The following PRRX1 variants were observed in gnomAD, a reference collection of about 807,000 sequenced individuals.
The protein encoded by PRRX1 is paired related homeobox 1.
PRRX1 carries 8 observed loss-of-function variants against 24.0 expected under a neutral mutation model. The observed-to-expected ratio is 0.33, with a 90% CI of 0.20 to 0.60. PRRX1 has a LOEUF of 0.60. Ranked by LOEUF, PRRX1 falls within the 20% of genes least tolerant of loss-of-function variation. The pLI is 0.82. For synonymous variants in PRRX1, 160 were observed against 131.7 expected, an observed-to-expected ratio of 1.22 and a Z score of -1.47; for missense variants, 281 against 322.4, an observed-to-expected ratio of 0.87 and a Z score of 0.98.
intron 1 of PRRX1, among the ~76,000 whole-genome samples, chr1:170,704,977 G>A (rs954481298): frequency 2.6e-5 from 4 of 152,094 alleles, no homozygotes; most frequent in African/African-American, 9.7e-5. Flanking sequence ...AGTGGCTTTG[G>A]TCTGAACTTT....
rs1264620286 is a variant in PRRX1, at chr1:170,737,178, A to G, written c.*992A>G. On this transcript the variant is annotated 3_prime_UTR_variant, in exon 4 of 4. Transcript: ENST00000239461. ...ATTTATATATATATTTCATATATAT[A>G]TATAATATTGCAAGCTTAAGTTTGC... 1 of 163,566 alleles carries G rather than the reference A, an allele frequency of 6.1e-6. No homozygotes were observed. The highest frequency in any genetic ancestry group is 2.4e-5 in the African/African-American group (1 of 41,296). The allele number at this position is 163,566 out of a possible 1,614,324, so 10.1% of individuals were successfully genotyped here.
intron 1 of PRRX1, among the ~76,000 whole-genome samples, chr1:170,706,358 T>C (rs1404611029): frequency 6.6e-6 from 1 of 152,190 alleles, no homozygotes; most frequent in African/African-American, 2.4e-5. Flanking sequence ...CACAGATGTA[T>C]CTATTGGTCA....
intron 2 of PRRX1, among the ~76,000 whole-genome samples, chr1:170,722,974 G>C (rs1165977231): frequency 6.6e-6 from 1 of 152,208 alleles, no homozygotes; most frequent in Non-Finnish European, 1.5e-5. Context: ...CAGTGTATGA[G>C]GTTAGAGTGA....
intron 1 of PRRX1, among the ~76,000 whole-genome samples, chr1:170,681,286 A>G (rs554026471): frequency 1.1e-4 from 17 of 152,262 alleles, no homozygotes; most frequent in Admixed American, 9.2e-4. Flanking sequence ...TTATTGACAA[A>G]CCAGAACTTG....
chr1:170,675,814 A>C (rs3021341), intron 1 of PRRX1, among the ~76,000 whole-genome samples: 3,448 of 152,330 alleles, frequency 0.023, 140 homozygotes, highest in African/African-American at 0.078. Context: ...AACAAGTGAT[A>C]TAAAATCCCG....
rs760688476 is a variant in PRRX1, at chr1:170,738,423, C to A, written c.*2237C>A. On this transcript the variant is annotated 3_prime_UTR_variant, in exon 4 of 4. Coordinates refer to ENST00000239461, the MANE Select transcript of PRRX1 (RefSeq NM_022716.4). ...CCAATTGATTCCTTCTTCTTTTAGCCCACTATTAAAACATTTCTTACTGAA... is the reference window on the plus strand; with the variant it reads ...CCAATTGATTCCTTCTTCTTTTAGCACACTATTAAAACATTTCTTACTGAA... 3.1e-5 allele frequency: 7 copies of A among 226,834 alleles called. No homozygotes were observed. The highest frequency in any genetic ancestry group is 4.4e-5 in the Non-Finnish European group (5 of 114,198). The allele number at this position is 226,834 out of a possible 1,614,324, so 14.1% of individuals were successfully genotyped here.
intron 1 of PRRX1, among the ~76,000 whole-genome samples, chr1:170,714,240 C>A (rs1320202486): frequency 6.6e-6 from 1 of 152,152 alleles, no homozygotes; most frequent in East Asian, 1.9e-4. Context: ...TTTTTAGTGG[C>A]TTTTGCAATT....
chr1:170,684,957 C>A (rs1054769999), intron 1 of PRRX1, among the ~76,000 whole-genome samples: 11 of 152,124 alleles, frequency 7.2e-5, no homozygotes, highest in African/African-American at 2.7e-4. Context: ...ATTAGGTAGA[C>A]CATGCAGAGA....
At chr1:170,689,654 A>C (rs1364795038) in intron 1 of PRRX1, among the ~76,000 whole-genome samples, 1 of 152,046 alleles carries the variant, frequency 6.6e-6, no homozygotes, top group East Asian at 1.9e-4. Context: ...CCTGATACTT[A>C]TCAGCTTTAA....
intron 1 of PRRX1, among the ~76,000 whole-genome samples, chr1:170,680,010 G>A (rs1653455228): frequency 6.6e-6 from 1 of 152,016 alleles, no homozygotes; most frequent in African/African-American, 2.4e-5. Context: ...TTTTTGAAAA[G>A]GTTGTGTACG....
intron 1 of PRRX1, among the ~76,000 whole-genome samples, chr1:170,675,647 AC>A (rs1420499209): frequency 6.6e-6 from 1 of 152,188 alleles, no homozygotes; most frequent in Non-Finnish European, 1.5e-5. Flanking sequence ...ATTTACCCAG[AC>A]ATGAGCATCT....
At chr1:170,692,377 T>A (rs892332046) in intron 1 of PRRX1, among the ~76,000 whole-genome samples, 1 of 152,106 alleles carries the variant, frequency 6.6e-6, no homozygotes, top group Non-Finnish European at 1.5e-5. Context: ...TTCCAATAAA[T>A]AGAATTGGTG....
chr1:170,705,917 G>GAC (rs72161621), intron 1 of PRRX1, among the ~76,000 whole-genome samples: 4,532 of 123,638 alleles, frequency 0.037, 98 homozygotes, highest in Middle Eastern at 0.1. Context: ...TACCCACATA[G>GAC]ACACACACAC....
At chr1:170,686,369 C>T (rs1046085073) in intron 1 of PRRX1, among the ~76,000 whole-genome samples, 9 of 152,050 alleles carry the variant, frequency 5.9e-5, no homozygotes, top group Admixed American at 4.6e-4. Context: ...AGCACTGGGG[C>T]GTAGGGGAAG....
chr1:170,704,542 A>C (rs1654496821), intron 1 of PRRX1, among the ~76,000 whole-genome samples: 1 of 152,170 alleles, frequency 6.6e-6, no homozygotes, highest in Admixed American at 6.5e-5. Flanking sequence ...CTGAATGCAA[A>C]CTTGCCTTCT....
chr1:170,726,674 A>G, intron 3 of PRRX1: 1 of 420,928 alleles, frequency 2.4e-6, no homozygotes, highest in Non-Finnish European at 4.3e-6. Context: ...GGAAGAATCT[A>G]AAAGAAAAGA....
At chr1:170,664,515 C>T in intron 1 of PRRX1, 56 bp downstream of exon 1, 1 of 1,547,652 alleles carries the variant, frequency 6.5e-7, no homozygotes, top group Non-Finnish European at 8.7e-7. Flanking sequence ...GGGCGGGGAC[C>T]CGTGTAGGGC....
At chr1:170,677,611 C>T (rs1653367005) in intron 1 of PRRX1, among the ~76,000 whole-genome samples, 1 of 152,188 alleles carries the variant, frequency 6.6e-6, no homozygotes, top group Admixed American at 6.5e-5. Context: ...TACAGCATGT[C>T]ACTTATTGAG....
chr1:170,730,391 G>C (rs1166039534), intron 3 of PRRX1: 12 of 1,508,366 alleles, frequency 8.0e-6, no homozygotes, highest in Non-Finnish European at 1.1e-5. Flanking sequence ...TTGGGGTAGG[G>C]TTTAAGTGGG....
Sources: gnomAD v4.1 joint callset for allele counts (sites outside exome capture counted in the v4.1 genomes callset) on GRCh38, gnomAD v4.1.1 for gene constraint, MANE v1.5 for transcripts, NCBI Gene and HGNC (gene_info 2026-07-23, HGNC 2026-07-21) for gene names.